PARD3B: variants seen among roughly 807,000 people sequenced by gnomAD.
PARD3B encodes partitioning defective 3 homolog B.
Under a neutral mutation model 130.2 loss-of-function variants are expected in PARD3B, and 103 were observed. The observed-to-expected ratio is 0.79, with a 90% CI of 0.67 to 0.93. PARD3B has a LOEUF of 0.93. Ranked by LOEUF, PARD3B falls within the 40% of genes least tolerant of loss-of-function variation. PARD3B has a pLI of 0.00. For synonymous variants in PARD3B, 583 were observed against 553.2 expected, an observed-to-expected ratio of 1.05 and a Z score of -0.76; for missense variants, 1,609 against 1,499.2, an observed-to-expected ratio of 1.07 and a Z score of -1.21.
Position 204,623,847 on chromosome 2 carries a change from T to C in PARD3B, c.121-62334T>C, listed in dbSNP as rs185271750. 2.4e-3 allele frequency among the ~76,000 whole-genome samples: 365 copies of C among 152,308 alleles called. 1 individual carries two copies. Among genetic ancestry groups the C allele is most frequent in the African/African-American group, 8.5e-3 (355 of 41,574 alleles). ...CCCCAACTAACAGCCACCATTATAC[T>C]CTGTGCTTCTATGTGTTTGAGTACT... is the stretch of plus-strand genomic sequence containing the variant. On this transcript the variant is annotated intron_variant, in intron 1 of 22. Transcript: ENST00000406610. This position sits in a 1 kb window ranked among gnomAD's most constrained non-coding sequence, Gnocchi z 4.5.
At chr2:205,248,143 G>A (rs928626537) in intron 16 of PARD3B, among the ~76,000 whole-genome samples, 3 of 151,732 alleles carry the variant, frequency 2.0e-5, no homozygotes, top group Non-Finnish European at 2.9e-5. Context: ...ATTTTGCCTT[G>A]TTGCCCAGGT....
intron 8 of PARD3B, 40 bp from the exon 9 acceptor site, chr2:205,124,287 G>C: frequency 7.0e-7 from 1 of 1,436,416 alleles, no homozygotes; most frequent in East Asian, 2.5e-5. Context: ...TATTACTCAT[G>C]CTTAAGATGA....
chr2:205,049,431 C>T (rs1192694767), intron 4 of PARD3B, among the ~76,000 whole-genome samples: 4 of 152,258 alleles, frequency 2.6e-5, no homozygotes, highest in Non-Finnish European at 4.4e-5. Context: ...GGGAACTGTG[C>T]CCATGATCCA....
chr2:204,548,850 TC>T (rs951322002), intron 1 of PARD3B, among the ~76,000 whole-genome samples: 74 of 152,168 alleles, frequency 4.9e-4, no homozygotes, highest in African/African-American at 1.8e-3. Context: ...ATCTTAGACA[TC>T]CAGGTGGCGA....
intron 20 of PARD3B, among the ~76,000 whole-genome samples, chr2:205,498,045 A>ACACACACACACACACAC (rs1559149195): frequency 6.6e-6 from 1 of 151,208 alleles, no homozygotes. Context: ...ACACACACAC[A>ACACACACACACACACAC]AAGAATTTGC....
In PARD3B at chr2:205,021,283, A is replaced by G. The variant is rs891298196; in HGVS notation, c.395-26298A>G. ...TTTTAAAACTCCCTTGAGGATTAGG[A>G]AACAGATTATAAGTAGCTAGAATGT... On this transcript the variant is annotated intron_variant, in intron 3 of 22. Transcript: ENST00000406610. The surrounding 1 kb of genome is among the most constrained non-coding windows in gnomAD (Gnocchi z 4.5). Among the ~76,000 whole-genome samples, 1 of 152,174 alleles carries G rather than the reference A, an allele frequency of 6.6e-6. No homozygotes were observed. The highest frequency in any genetic ancestry group is 2.4e-5 in the African/African-American group (1 of 41,446).
chr2:205,051,706 T>A (rs1157332258), intron 4 of PARD3B, among the ~76,000 whole-genome samples: 1 of 152,180 alleles, frequency 6.6e-6, no homozygotes, highest in Non-Finnish European at 1.5e-5. Context: ...AATTGGTTAT[T>A]TAAGATGTAC....
rs79048751 is a variant in PARD3B, at chr2:205,241,898, T to G, written c.2141-3880T>G. Among the ~76,000 whole-genome samples, 1,174 of 152,250 alleles carry G rather than the reference T, an allele frequency of 7.7e-3. 16 individuals carry two copies. Among genetic ancestry groups the G allele is most frequent in the African/African-American group, 0.027 (1,120 of 41,556 alleles). ...AGATAATTTTAATAGTAGCTCTAAG[T>G]TAATGTGAGTTATAAAGGAAGTTGG... On this transcript the variant is annotated intron_variant, in intron 15 of 22. Coordinates refer to ENST00000406610, the MANE Select transcript of PARD3B (RefSeq NM_001302769.2). This position sits in a 1 kb window ranked among gnomAD's most constrained non-coding sequence, Gnocchi z 4.2.
intron 18 of PARD3B, among the ~76,000 whole-genome samples, chr2:205,396,995 C>G (rs1574914320): frequency 1.3e-5 from 2 of 151,790 alleles, no homozygotes; most frequent in East Asian, 3.9e-4. Flanking sequence ...GGAAAGTCAC[C>G]AAGTTGAATC....
At position 205,426,091 on chromosome 2, in the gene PARD3B, C is replaced by T. The variant is rs913127859; in HGVS notation, c.2742-14279C>T. On this transcript the variant is annotated intron_variant, in intron 19 of 22. Transcript: ENST00000406610. The stretch of plus-strand genomic sequence containing the variant: ...GGTTTAGGCTGACAAGAAAAATGGG[C>T]GGTACTGAAGGAGATCGTTTAGAAA... Among the ~76,000 whole-genome samples the T allele has an allele frequency of 3.3e-5, 5 of 151,874 alleles. No homozygotes were observed. In the East Asian group the frequency reaches 5.8e-4, roughly 18 times the overall value.
intron 18 of PARD3B, among the ~76,000 whole-genome samples, chr2:205,399,918 G>T (rs924852843): frequency 6.6e-6 from 1 of 152,156 alleles, no homozygotes; most frequent in African/African-American, 2.4e-5. Flanking sequence ...AAGCGTACAG[G>T]CAGAGATCGG....
chr2:204,563,835 G>A (rs552143529), intron 1 of PARD3B, among the ~76,000 whole-genome samples: 6 of 152,152 alleles, frequency 3.9e-5, no homozygotes, highest in African/African-American at 7.2e-5. Context: ...GTGCAGTGGC[G>A]CTATGTCGGC....
chr2:204,584,708 G>T (rs1156928492), intron 1 of PARD3B, among the ~76,000 whole-genome samples: 1 of 152,180 alleles, frequency 6.6e-6, no homozygotes, highest in Non-Finnish European at 1.5e-5. Context: ...TCATTTTATA[G>T]ATGAGAAGAT....
chr2:205,171,197 G>C (rs906556406), intron 11 of PARD3B, among the ~76,000 whole-genome samples: 1 of 152,192 alleles, frequency 6.6e-6, no homozygotes, highest in African/African-American at 2.4e-5. Flanking sequence ...GATAACATTC[G>C]TAATCACAGC....
chr2:204,888,547 C>T (rs1192265538), intron 2 of PARD3B, among the ~76,000 whole-genome samples: 2 of 151,970 alleles, frequency 1.3e-5, no homozygotes, highest in Non-Finnish European at 2.9e-5. Context: ...GTCTTGGCAA[C>T]ATGGTGAAAC....
chr2:204,616,759 A>C (rs1197030274), intron 1 of PARD3B, among the ~76,000 whole-genome samples: 2 of 152,216 alleles, frequency 1.3e-5, no homozygotes, highest in Non-Finnish European at 2.9e-5. Context: ...ATGATGGTAC[A>C]TCCAGACAAT....
chr2:205,574,644 G>T (rs1194300480), intron 22 of PARD3B, among the ~76,000 whole-genome samples: 1 of 151,948 alleles, frequency 6.6e-6, no homozygotes, highest in Non-Finnish European at 1.5e-5. Flanking sequence ...CCAGTGGGGG[G>T]GCAACTTCAC....
At chr2:205,587,158 A>G (rs2054226481) in intron 22 of PARD3B, among the ~76,000 whole-genome samples, 1 of 152,244 alleles carries the variant, frequency 6.6e-6, no homozygotes, top group South Asian at 2.1e-4. Flanking sequence ...ATGCTAATAT[A>G]GAAATCATAG....
chr2:204,630,990 T>C (rs374505009), intron 1 of PARD3B, among the ~76,000 whole-genome samples: 1 of 152,144 alleles, frequency 6.6e-6, no homozygotes, highest in Admixed American at 6.5e-5. Flanking sequence ...TTATTTCTGC[T>C]AGCTTTGGGG....
Sources: allele counts gnomAD v4.1 joint callset (sites outside exome capture counted in the v4.1 genomes callset), GRCh38; gene constraint gnomAD v4.1.1; non-coding constraint Gnocchi (gnomAD v3.1); transcripts MANE v1.5; gene names NCBI Gene and HGNC (gene_info 2026-07-23, HGNC 2026-07-21).